SYNE2: variants seen among roughly 807,000 people sequenced by gnomAD.
SYNE2 encodes nesprin-2.
In SYNE2, 431 loss-of-function variants were observed where a neutral mutation model predicts 856.3. That is an observed-to-expected ratio of 0.50 (90% CI 0.47 to 0.55). The LOEUF (loss-of-function observed/expected upper bound fraction) is 0.55, where lower values mean the gene tolerates loss of function less well. Among genes scored for constraint, SYNE2 ranks in the 20% least tolerant of loss-of-function variants. The pLI, the probability that SYNE2 is intolerant of heterozygous loss-of-function variation, is 0.00. For synonymous variants in SYNE2, 2,923 were observed against 2,872.3 expected (o/e 1.02, Z -0.56); for missense variants, 8,129 against 8,023.2 (o/e 1.01, Z -0.50).
At chr14:64,013,712 C>T (rs28572628) in intron 32 of SYNE2, among the ~76,000 whole-genome samples, 123,677 of 152,152 alleles carry the variant, frequency 0.81, 52,064 homozygotes, top group Non-Finnish European at 0.92. Flanking sequence ...TCAGCTCTGC[C>T]GATGTATCAG....
At chr14:64,121,239 G>A (rs995189369) in intron 68 of SYNE2, among the ~76,000 whole-genome samples, 178 bp downstream of exon 68, 4 of 151,994 alleles carry the variant, frequency 2.6e-5, no homozygotes, top group Admixed American at 1.3e-4. Context: ...CCAAAAAAAA[G>A]GCCAGGCACA....
intron 11 of SYNE2, among the ~76,000 whole-genome samples, chr14:63,974,892 G>GTGTGTGTGTATATATATATATATA (rs1375697679): frequency 1.0e-4 from 7 of 67,322 alleles, no homozygotes; most frequent in African/African-American, 2.2e-4. Flanking sequence ...GTGTGTGTGT[G>GTGTGTGTGTATATATATATATATA]TATATATATA....
intron 21 of SYNE2, 92 bp from the exon 22 acceptor site, chr14:63,993,743 A>G: frequency 8.5e-7 from 1 of 1,182,850 alleles, no homozygotes; most frequent in Non-Finnish European, 1.2e-6. Context: ...TTTACCAGTT[A>G]AAGACATACC....
At chr14:64,087,282 GAA>G in intron 57 of SYNE2, 1 of 371,876 alleles carries the variant, frequency 2.7e-6, no homozygotes, top group Non-Finnish European at 5.3e-6. Flanking sequence ...GGAATTACCT[GAA>G]GAGTACATTA....
intron 60 of SYNE2, among the ~76,000 whole-genome samples, 188 bp from the exon 61 acceptor site, chr14:64,093,161 C>T (rs1198268034): frequency 6.6e-6 from 1 of 152,176 alleles, no homozygotes; most frequent in Non-Finnish European, 1.5e-5. Flanking sequence ...TCTAGTAGAG[C>T]AAGAAGATCA....
At chr14:64,018,542 A>C (rs2096912536) in intron 34 of SYNE2, among the ~76,000 whole-genome samples, 1 of 152,114 alleles carries the variant, frequency 6.6e-6, no homozygotes, top group South Asian at 2.1e-4. Context: ...ATGCCCAGCC[A>C]GCAGACTTTT....
Position 63,771,878 on chromosome 14 carries a change from T to C in SYNE2, c.-305+9892T>C, listed in dbSNP as rs543620540. On this transcript the variant is annotated intron_variant, in intron 1 of 23. Coordinates refer to the SYNE2 transcript ENST00000674003. ...CGTCACTGCACTTCAGCCTGGGCGA[T>C]AGAGTGAGACTCTGTCTCAAAAAGC... 2.0e-3 allele frequency among the ~76,000 whole-genome samples: 297 copies of C among 147,720 alleles called. 3 individuals are homozygous for C. Among genetic ancestry groups the C allele is most frequent in the Non-Finnish European group, 6.3e-4 (43 of 67,930 alleles).
At chr14:64,026,307 T>G (rs1480676220) in intron 41 of SYNE2, among the ~76,000 whole-genome samples, 2 of 152,042 alleles carry the variant, frequency 1.3e-5, no homozygotes, top group African/African-American at 2.4e-5. Flanking sequence ...TAGGAAGAGG[T>G]TTTGCCAGGG....
chr14:64,030,706 G>A lies in SYNE2; in HGVS notation c.6880-310G>A, dbSNP rs888806399. Among the ~76,000 whole-genome samples the A allele has an allele frequency of 2.0e-5, 3 of 152,112 alleles. No individual in the cohort carries two copies. The East Asian group carries it at 5.8e-4, about 29-fold the overall frequency. ...ACACATAATAGGCACCTATTATTCA[G>A]TGTTTTGATTGTGTGACAAAGACGT... On this transcript the variant is annotated intron_variant, in intron 44 of 115. Transcript: ENST00000555002.
In SYNE2 at chr14:64,221,640, A is replaced by C. The variant is rs536421620; in HGVS notation, c.20126A>C (p.Lys6709Thr). The C allele has an allele frequency of 6.2e-7, 1 of 1,614,168 alleles. No individual in the cohort carries two copies. The highest frequency in any genetic ancestry group is 1.3e-5 in the African/African-American group (1 of 75,028). The part of the protein sequence containing the change: ...WLASAKNRRQ[K>T]AHVTDPKADP... Reference sequence around the variant, plus strand: ...GCGAGTGCCAAGAACCGGAGGCAGAAGGCTCATGTCACCGATCCAAAGGCA... The same window carrying C: ...GCGAGTGCCAAGAACCGGAGGCAGACGGCTCATGTCACCGATCCAAAGGCA... Residue 6709 changes from lysine to threonine, a missense_variant, in exon 112 of 116, where the codon AAG becomes ACG. Transcript: ENST00000555002.
intron 58 of SYNE2, 101 bp from the exon 59 acceptor site, chr14:64,089,470 CATT>C (rs1034137435): frequency 2.0e-6 from 2 of 987,546 alleles, no homozygotes; most frequent in African/African-American, 1.7e-5. Flanking sequence ...AGATGGCAGA[CATT>C]ATTTGGCTAA....
At chr14:64,140,896 G>GTT (rs368961338) in intron 80 of SYNE2, among the ~76,000 whole-genome samples, 3,826 of 146,946 alleles carry the variant, frequency 0.026, 78 homozygotes, top group Non-Finnish European at 0.038. Context: ...GACTTTTCCT[G>GTT]TTTTTTTTTT....
At position 63,990,430 on chromosome 14, in the gene SYNE2, C is replaced by T; in HGVS notation, c.2333C>T (p.Ser778Phe). The change falls in exon 20 of 116, where the codon TCT becomes TTT. Residue 778 changes from serine (S) to phenylalanine (F), a missense_variant. Physicochemically the swap from Ser to Phe is radical, Grantham distance 155. Around this residue, in one of 3 missense-constraint regions of SYNE2, gnomAD observed 2,422 missense variants for 2,357.4 expected, o/e 1.03. Transcript: ENST00000555002. Reference protein sequence around the residue: ...ESLKHLIAKGSMFDELMARSE... With the variant: ...ESLKHLIAKGFMFDELMARSE... ...TAATAGCATCTTATTGCCAAAGGCT[C>T]TATGTTTGATGAGCTTATGGCAAGA... The T allele has an allele frequency of 6.2e-7, 1 of 1,613,068 alleles. No individual in the cohort carries two copies. Among genetic ancestry groups the T allele is most frequent in the Non-Finnish European group, 8.5e-7 (1 of 1,179,890 alleles).
intron 44 of SYNE2, 37 bp from the exon 45 acceptor site, chr14:64,030,978 AT>A: frequency 6.8e-7 from 1 of 1,476,042 alleles, no homozygotes; most frequent in Non-Finnish European, 9.5e-7. Flanking sequence ...TTTTGTGGCA[AT>A]TGAATGGAGA....
intron 34 of SYNE2, 106 bp from the exon 35 acceptor site, chr14:64,019,886 A>G (rs368472291): frequency 8.8e-6 from 7 of 796,344 alleles, no homozygotes; most frequent in African/African-American, 8.7e-5. Flanking sequence ...ATTATGGGAA[A>G]TTCAAGGGCT....
At chr14:63,905,080 T>A (rs2095391149) in intron 1 of SYNE2, among the ~76,000 whole-genome samples, 1 of 152,226 alleles carries the variant, frequency 6.6e-6, no homozygotes, top group Non-Finnish European at 1.5e-5. Context: ...ATTTCCCCAT[T>A]GCTTACTTTT....
upstream of SYNE2, among the ~76,000 whole-genome samples, chr14:63,849,469 T>C (rs553726611): frequency 2.2e-3 from 339 of 152,300 alleles, 1 homozygote; most frequent in Middle Eastern, 0.01. Context: ...AAATACATGA[T>C]AGCATTGTCA....
At chr14:64,223,632 A>C (rs2098704795) in intron 113 of SYNE2, among the ~76,000 whole-genome samples, 1 of 152,068 alleles carries the variant, frequency 6.6e-6, no homozygotes, top group African/African-American at 2.4e-5. Flanking sequence ...GAAGTGGCTA[A>C]TTTTTGTATT....
intron 8 of SYNE2, chr14:63,960,600 A>C (rs1199729963): frequency 1.7e-6 from 1 of 587,110 alleles, no homozygotes; most frequent in Non-Finnish European, 3.1e-6. Context: ...ATAAATAAAC[A>C]GTGAAGTGTT....
Sources: allele counts gnomAD v4.1 joint callset (sites outside exome capture counted in the v4.1 genomes callset), GRCh38; gene constraint gnomAD v4.1.1; regional missense constraint gnomAD v4.1.1; transcripts MANE v1.5; gene names NCBI Gene and HGNC (gene_info 2026-07-23, HGNC 2026-07-21).